DSE: variants seen among roughly 807,000 people sequenced by gnomAD.
DSE encodes dermatan sulfate epimerase.
In DSE, 36 loss-of-function variants were observed where a neutral mutation model predicts 84.4. That is an observed-to-expected ratio of 0.43 (90% CI 0.33 to 0.56). The LOEUF (loss-of-function observed/expected upper bound fraction) is 0.56, where lower values mean the gene tolerates loss of function less well. Among genes scored for constraint, DSE ranks in the 20% least tolerant of loss-of-function variants. The probability of loss-of-function intolerance (pLI) is 0.06; values close to 1 mark genes in which losing one functional copy is unlikely to be tolerated. For missense variants in DSE, 862 were observed against 1,169.6 expected (o/e 0.74, Z 3.84); for synonymous variants, 410 against 430.1 (o/e 0.95, Z 0.58).
intron 2 of DSE, chr6:116,279,046 C>G (rs928784250): frequency 6.2e-7 from 1 of 1,613,244 alleles, no homozygotes; most frequent in Non-Finnish European, 8.5e-7. Context: ...CAGGTAGTGT[C>G]GACGCATCCG....
chr6:116,269,321 A>G (rs1772777871), intron 2 of DSE, among the ~76,000 whole-genome samples: 1 of 152,306 alleles, frequency 6.6e-6, no homozygotes, highest in South Asian at 2.1e-4. Flanking sequence ...GTTTTTCACA[A>G]TATGCTTTCA....
At chr6:116,308,705 TCTCA>T (rs1388674069) in intron 2 of DSE, among the ~76,000 whole-genome samples, 1 of 151,884 alleles carries the variant, frequency 6.6e-6, no homozygotes, top group Non-Finnish European at 1.5e-5. Context: ...TGAGATGGAG[TCTCA>T]CTCTGTCACC....
intron 4 of DSE, 92 bp from the exon 5 acceptor site, chr6:116,433,250 AT>A: frequency 8.2e-7 from 1 of 1,219,258 alleles, no homozygotes; most frequent in African/African-American, 1.5e-5. Flanking sequence ...CACAATTCTA[AT>A]TTGCAACTAG....
intron 2 of DSE, among the ~76,000 whole-genome samples, chr6:116,414,742 T>C (rs1251413849): frequency 6.6e-6 from 1 of 152,244 alleles, no homozygotes; most frequent in Non-Finnish European, 1.5e-5. Flanking sequence ...GCAAAAGTTA[T>C]TGACAACTGA....
chr6:116,325,829 C>CG (rs1776583449), intron 2 of DSE, among the ~76,000 whole-genome samples: 1 of 152,148 alleles, frequency 6.6e-6, no homozygotes, highest in South Asian at 2.1e-4. Context: ...CCGGGGGCAT[C>CG]GGCAAGACTC....
At chr6:116,338,122 C>G (rs928561663) in intron 2 of DSE, among the ~76,000 whole-genome samples, 12 of 151,756 alleles carry the variant, frequency 7.9e-5, no homozygotes, top group African/African-American at 2.9e-4. Context: ...GTTTGATACT[C>G]CGAATAACCT....
intron 1 of DSE, among the ~76,000 whole-genome samples, chr6:116,388,308 T>C (rs1012791355): frequency 6.6e-5 from 10 of 152,140 alleles, no homozygotes; most frequent in Admixed American, 5.2e-4. Flanking sequence ...CCCAAGCAGT[T>C]AGGCCGAGAG....
intron 2 of DSE, chr6:116,278,483 A>C: frequency 6.2e-7 from 1 of 1,612,958 alleles, no homozygotes; most frequent in Non-Finnish European, 8.5e-7. Flanking sequence ...AGGTGGTAGG[A>C]GACCTTGTGC....
At chr6:116,282,607 G>T (rs1773609392) in intron 2 of DSE, among the ~76,000 whole-genome samples, 1 of 151,796 alleles carries the variant, frequency 6.6e-6, no homozygotes, top group African/African-American at 2.4e-5. Context: ...CTGTGATAAG[G>T]AATATTTGAA....
chr6:116,349,012 A>G (rs1371709196), intron 2 of DSE, among the ~76,000 whole-genome samples: 2 of 152,152 alleles, frequency 1.3e-5, no homozygotes, highest in South Asian at 2.1e-4. Flanking sequence ...AGATATACCT[A>G]ATGTAAATGA....
rs1784278985 is a variant in DSE at position 116,437,891 on chromosome 6, A to G, written c.*546A>G. ...TGTAACTAACAGGATGTTTTACTACAGATCTGGATGGCTATTCAGATAACA... is the reference window on the plus strand; with the variant it reads ...TGTAACTAACAGGATGTTTTACTACGGATCTGGATGGCTATTCAGATAACA... On this transcript the variant is annotated 3_prime_UTR_variant, in exon 6 of 6. Transcript: ENST00000644252. The G allele has an allele frequency of 6.6e-6, 1 of 152,204 alleles. No individual in the cohort carries two copies. The highest frequency in any genetic ancestry group is 2.4e-5 in the African/African-American group (1 of 41,456). 9.4% of individuals were successfully genotyped at this position (152,204 alleles called of 1,614,324 possible).
chr6:116,258,576 A>G (rs1447572191), exon 2 of DSE: 1 of 1,595,724 alleles, frequency 6.3e-7, no homozygotes, highest in African/African-American at 1.3e-5. Context: ...AGCCCTTGGC[A>G]GCATTGATGA....
At chr6:116,364,869 T>C (rs1779077849) in intron 2 of DSE, among the ~76,000 whole-genome samples, 1 of 151,450 alleles carries the variant, frequency 6.6e-6, no homozygotes, top group Non-Finnish European at 1.5e-5. Context: ...GTTTCACTCT[T>C]GTTGCCCAGG....
intron 2 of DSE, chr6:116,412,340 C>T (rs1444321554): frequency 6.6e-6 from 1 of 152,112 alleles, no homozygotes; most frequent in Non-Finnish European, 1.5e-5. Context: ...CATGCCTGCC[C>T]CCTTCATACA....
At position 116,334,476 on chromosome 6, in the gene DSE, T is replaced by G. The variant is rs188515463; in HGVS notation, c.-53-64722T>G. ...GCCAAAAATACTGTATTCGAAAATT[T>G]TCTCCCATTCTGTAGGTTGTCTGCT... On this transcript the variant is annotated intron_variant, in intron 2 of 3. Transcript: ENST00000430252. 4.6e-5 allele frequency among the ~76,000 whole-genome samples: 7 copies of G among 152,314 alleles called. No homozygotes were observed. The East Asian group carries it at 1.3e-3, about 29-fold the overall frequency.
intron 2 of DSE, among the ~76,000 whole-genome samples, chr6:116,403,848 A>C (rs934386399): frequency 2.6e-5 from 4 of 152,150 alleles, no homozygotes; most frequent in Non-Finnish European, 5.9e-5. Context: ...CGTATGATGA[A>C]TTGCACAGTG....
At chr6:116,266,543 A>G (rs1772637651) in intron 2 of DSE, among the ~76,000 whole-genome samples, 1 of 152,184 alleles carries the variant, frequency 6.6e-6, no homozygotes, top group African/African-American at 2.4e-5. Context: ...AGTAATTAAG[A>G]TTACTATTAT....
Position 116,428,209 on chromosome 6 carries a change from TAGAA to T in DSE, c.670+1385_670+1388del, listed in dbSNP as rs1486769742. Among the ~76,000 whole-genome samples the T allele has an allele frequency of 1.3e-4, 20 of 151,612 alleles. 1 individual carries two copies. The South Asian group carries it at 4.0e-3, about 30-fold the overall frequency. On this transcript the variant is annotated intron_variant, in intron 3 of 5. Coordinates refer to ENST00000644252, the MANE Select transcript of DSE (RefSeq NM_013352.4). ...GCCTTAAAGAAATAAATAAATAAAA[TAGAA>T]AGGAAAAGAAAATTAAAACATCAAA...
At chr6:116,260,276 G>A (rs1306521293) in intron 2 of DSE, among the ~76,000 whole-genome samples, 1 of 152,012 alleles carries the variant, frequency 6.6e-6, no homozygotes, top group African/African-American at 2.4e-5. Context: ...TTGGCTGCAT[G>A]TATGTCTTTC....
Sources: allele counts gnomAD v4.1 joint callset (sites outside exome capture counted in the v4.1 genomes callset), GRCh38; gene constraint gnomAD v4.1.1; transcripts MANE v1.5; gene names NCBI Gene and HGNC (gene_info 2026-07-23, HGNC 2026-07-21).